The following IRAK2 variants were observed in gnomAD, a reference collection of about 807,000 sequenced individuals.
IRAK2 encodes interleukin-1 receptor-associated kinase-like 2.
IRAK2 carries 57 observed loss-of-function variants against 72.0 expected under a neutral mutation model. That is an observed-to-expected ratio of 0.79 (90% CI 0.64 to 0.99). The LOEUF is 0.99. Among genes scored for constraint, IRAK2 ranks in the 50% least tolerant of loss-of-function variants. The probability of loss-of-function intolerance (pLI) is 0.00; values close to 1 mark genes in which losing one functional copy is unlikely to be tolerated. For synonymous variants in IRAK2, 293 were observed against 312.7 expected (o/e 0.94, Z 0.67); for missense variants, 790 against 794.4 (o/e 0.99, Z 0.07).
chr3:10,182,429 C>A (rs1261900455), intron 2 of IRAK2, among the ~76,000 whole-genome samples: 1 of 151,698 alleles, frequency 6.6e-6, no homozygotes, highest in African/African-American at 2.4e-5. Context: ...ACTACAGGTG[C>A]CCGCCACCAC....
chr3:10,216,258 A>G (rs1032314839), intron 6 of IRAK2, among the ~76,000 whole-genome samples: 1 of 152,182 alleles, frequency 6.6e-6, no homozygotes, highest in Non-Finnish European at 1.5e-5. Flanking sequence ...CCTTTCTGGG[A>G]TAATAAATAT....
chr3:10,225,847 C>T (rs1269676616), intron 9 of IRAK2, among the ~76,000 whole-genome samples: 9 of 151,842 alleles, frequency 5.9e-5, no homozygotes, highest in African/African-American at 1.7e-4. Context: ...TACAGGCACC[C>T]GCCACCGCGC....
rs748584722 is a variant in IRAK2 at position 10,213,593 on chromosome 3, A to G, written c.788+45A>G. 5.5e-6 allele frequency: 8 copies of G among 1,449,218 alleles called. No homozygotes were observed. The South Asian group carries it at 8.0e-5, about 14-fold the overall frequency. The allele number at this position is 1,449,218 out of a possible 1,614,324, so 89.8% of individuals were successfully genotyped here. ...AGTAATAATGATAGCTAACCTTTAT[A>G]TAGTGCTTCCTGTGTGCCCAGTCAT... On this transcript the variant is annotated intron_variant, in intron 6 of 12. Coordinates refer to ENST00000256458, the MANE Select transcript of IRAK2 (RefSeq NM_001570.4).
intron 1 of IRAK2, among the ~76,000 whole-genome samples, chr3:10,169,750 A>G (rs1696766077): frequency 6.6e-6 from 1 of 152,206 alleles, no homozygotes; most frequent in Non-Finnish European, 1.5e-5. Context: ...AGTTAATGCA[A>G]TCATCACAGG....
chr3:10,190,313 C>T (rs1697155743), intron 2 of IRAK2, among the ~76,000 whole-genome samples: 1 of 135,754 alleles, frequency 7.4e-6, no homozygotes, highest in Admixed American at 7.7e-5. Context: ...CAGAGTCTCA[C>T]TCTGTTGTCC....
intron 11 of IRAK2, among the ~76,000 whole-genome samples, chr3:10,237,296 A>T (rs11711184): frequency 1.3e-5 from 2 of 151,846 alleles, no homozygotes; most frequent in South Asian, 2.1e-4. Context: ...TTTAGGTGTA[A>T]GAAGAGGTAG....
intron 2 of IRAK2, among the ~76,000 whole-genome samples, chr3:10,181,173 G>A (rs545136158): frequency 6.6e-6 from 1 of 152,204 alleles, no homozygotes; most frequent in East Asian, 1.9e-4. Context: ...TCAGCTAGCT[G>A]CCCAGGCCAC....
intron 1 of IRAK2, among the ~76,000 whole-genome samples, chr3:10,167,014 C>A (rs1696703190): frequency 6.6e-6 from 1 of 152,076 alleles, no homozygotes; most frequent in African/African-American, 2.4e-5. Flanking sequence ...TCATTTTTTC[C>A]ACATTGGCCC....
At chr3:10,237,226 A>G (rs1288569567) in intron 11 of IRAK2, among the ~76,000 whole-genome samples, 1 of 152,238 alleles carries the variant, frequency 6.6e-6, no homozygotes, top group Non-Finnish European at 1.5e-5. Context: ...AAGAAGTAAC[A>G]TGTGACCTGG....
intron 7 of IRAK2, among the ~76,000 whole-genome samples, 160 bp from the exon 8 acceptor site, chr3:10,219,520 G>A (rs775520638): frequency 7.9e-5 from 12 of 152,010 alleles, no homozygotes; most frequent in African/African-American, 1.2e-4. Context: ...GGGTTTCACC[G>A]TGTTAGCCAG....
intron 10 of IRAK2, among the ~76,000 whole-genome samples, chr3:10,232,126 C>G (rs371266952): frequency 1.9e-5 from 2 of 104,046 alleles, no homozygotes; most frequent in African/African-American, 6.6e-5. Flanking sequence ...GACTCCGTCT[C>G]AACAACAACA....
chr3:10,226,568 C>T (rs1697780143), intron 10 of IRAK2, 135 bp downstream of exon 10: 2 of 660,388 alleles, frequency 3.0e-6, no homozygotes, highest in Non-Finnish European at 5.3e-6. Flanking sequence ...TGCATCCCCA[C>T]AAAGCAGCTT....
chr3:10,169,684 C>T (rs781103627), intron 1 of IRAK2, among the ~76,000 whole-genome samples: 6 of 152,138 alleles, frequency 3.9e-5, no homozygotes, highest in Non-Finnish European at 7.3e-5. Flanking sequence ...TAAACACCCA[C>T]GTTTTACAAT....
intron 1 of IRAK2, 116 bp downstream of exon 1, chr3:10,165,164 G>A (rs1696661175): frequency 1.2e-6 from 1 of 864,570 alleles, no homozygotes; most frequent in Non-Finnish European, 1.8e-6. Context: ...CCGATCCGAG[G>A]GCGTGCGAGC....
At chr3:10,175,733 C>CA (rs1451228718) in intron 1 of IRAK2, among the ~76,000 whole-genome samples, 1 of 151,232 alleles carries the variant, frequency 6.6e-6, no homozygotes, top group Non-Finnish European at 1.5e-5. Context: ...ACTAAAAATA[C>CA]AAAAAAATTA....
At chr3:10,202,157 T>C (rs1697369661) in intron 3 of IRAK2, among the ~76,000 whole-genome samples, 1 of 152,194 alleles carries the variant, frequency 6.6e-6, no homozygotes, top group Non-Finnish European at 1.5e-5. Flanking sequence ...TAAATATATG[T>C]ATTTTTAAGT....
intron 9 of IRAK2, among the ~76,000 whole-genome samples, chr3:10,226,049 CGT>C (rs1352957962): frequency 6.6e-6 from 1 of 152,082 alleles, no homozygotes; most frequent in East Asian, 1.9e-4. Flanking sequence ...TGTATATATA[CGT>C]GTGTGTGTAT....
At chr3:10,192,420 C>T (rs141175955) in intron 2 of IRAK2, among the ~76,000 whole-genome samples, 537 of 152,318 alleles carry the variant, frequency 3.5e-3, no homozygotes, top group African/African-American at 0.012. Flanking sequence ...ACGGCCCAGG[C>T]CCCGTCAGCC....
At chr3:10,221,453 C>T (rs1472632949) in intron 8 of IRAK2, among the ~76,000 whole-genome samples, 2 of 151,254 alleles carry the variant, frequency 1.3e-5, no homozygotes, top group Non-Finnish European at 2.9e-5. Flanking sequence ...TAGGGTTTCA[C>T]TGTGTTAGCC....
Sources: allele counts gnomAD v4.1 joint callset (sites outside exome capture counted in the v4.1 genomes callset), GRCh38; gene constraint gnomAD v4.1.1; transcripts MANE v1.5; gene names NCBI Gene and HGNC (gene_info 2026-07-23, HGNC 2026-07-21).